WDR59: variants seen among roughly 807,000 people sequenced by gnomAD.
WDR59 encodes GATOR2 complex protein WDR59.
In WDR59, 100 loss-of-function variants were observed where a neutral mutation model predicts 131.2. That is an observed-to-expected ratio of 0.76 (90% CI 0.65 to 0.90). WDR59 has a LOEUF of 0.90. Among genes scored for constraint, WDR59 ranks in the 40% least tolerant of loss-of-function variants. The pLI, the probability that WDR59 is intolerant of heterozygous loss-of-function variation, is 0.00. For synonymous variants in WDR59, 601 were observed against 466.2 expected (o/e 1.29, Z -3.72); for missense variants, 1,203 against 1,262.2 (o/e 0.95, Z 0.71).
intron 18 of WDR59, among the ~76,000 whole-genome samples, chr16:74,899,932 T>A (rs1220891738): frequency 6.6e-6 from 1 of 152,204 alleles, no homozygotes; most frequent in Non-Finnish European, 1.5e-5. Context: ...CACAGCGGAA[T>A]TCGGCTTCCC....
At chr16:74,908,868 C>T (rs1965943544) in intron 17 of WDR59, 40 bp downstream of exon 17, 1 of 1,595,190 alleles carries the variant, frequency 6.3e-7, no homozygotes, top group African/African-American at 1.3e-5. Flanking sequence ...CACTTCTGGC[C>T]CCGGGAACGT....
In WDR59 at chr16:74,893,751, G is replaced by T; in HGVS notation, c.1928C>A (p.Ala643Asp). 6.2e-7 allele frequency: 1 copy of T among 1,614,198 alleles called. No homozygotes were observed. The highest frequency in any genetic ancestry group is 8.5e-7 in the Non-Finnish European group (1 of 1,180,030). Reference protein sequence around the residue: ...GSDSGNRQIKAAGKVIIQDIA... With the variant: ...GSDSGNRQIKDAGKVIIQDIA... Reference sequence around the variant, plus strand: ...ATCCTGGATGATGACTTTCCCAGCAGCCTTGATCTGTCGATTGCCAGAGTC... The same window carrying T: ...ATCCTGGATGATGACTTTCCCAGCATCCTTGATCTGTCGATTGCCAGAGTC... The change falls in exon 19 of 26, where the codon GCT becomes GAT. Residue 643 changes from alanine (A) to aspartate (D), a missense_variant. Physicochemically the swap from Ala to Asp is moderately radical, Grantham distance 126. Transcript: ENST00000262144.
chr16:74,973,913 T>C (rs1016414679), intron 1 of WDR59, among the ~76,000 whole-genome samples: 20 of 152,168 alleles, frequency 1.3e-4, no homozygotes, highest in Non-Finnish European at 1.9e-4. Context: ...CCCACACCTG[T>C]AATCCTAGCA....
At chr16:74,890,130 C>T (rs545620566) in intron 20 of WDR59, among the ~76,000 whole-genome samples, 8 of 152,230 alleles carry the variant, frequency 5.3e-5, no homozygotes, top group African/African-American at 1.7e-4. Flanking sequence ...TCTACTTAAC[C>T]ACTAACTCAT....
At chr16:74,902,602 CACAAATCGGA>C (rs1243669018) in intron 18 of WDR59, among the ~76,000 whole-genome samples, 55 of 152,170 alleles carry the variant, frequency 3.6e-4, no homozygotes, top group African/African-American at 1.2e-3. Flanking sequence ...TGGCACACGA[CACAAATCGGA>C]GAGGAATTCA....
intron 1 of WDR59, among the ~76,000 whole-genome samples, chr16:74,971,459 G>C (rs2033981140): frequency 8.9e-6 from 1 of 111,974 alleles, no homozygotes; most frequent in African/African-American, 3.5e-5. Context: ...TTGAGATGGA[G>C]TCTTGCTCTG....
At chr16:74,914,017 G>A (rs112057837) in intron 13 of WDR59, among the ~76,000 whole-genome samples, 3,701 of 152,246 alleles carry the variant, frequency 0.024, 89 homozygotes, top group South Asian at 0.13. Flanking sequence ...GGCCAACCTG[G>A]CCAACATGGC....
rs775967002 is a variant in WDR59 at position 74,959,590 on chromosome 16, T to C, written c.105-2980A>G. 2.1e-4 allele frequency: 93 copies of C among 438,638 alleles called. 1 individual carries two copies. The Middle Eastern group carries it at 2.9e-3, about 14-fold the overall frequency. The allele number at this position is 438,638 out of a possible 1,614,324, so 27.2% of individuals were successfully genotyped here. A position where few individuals can be genotyped will look rare whatever the true frequency, so the allele number is the denominator to read the frequency against. On this transcript the variant is annotated intron_variant, in intron 2 of 25. Coordinates refer to ENST00000262144, the MANE Select transcript of WDR59 (RefSeq NM_030581.4). ...CAGCCTGGGCAACCTGGCAAGACCT[T>C]ATCTGCATAAAGAAAAAAAAATTAT...
Position 74,951,475 on chromosome 16 carries a change from G to C in WDR59, c.309C>G (p.Gly103=). The change falls in exon 4 of 26, where the codon GGC becomes GGG. Residue 103 remains glycine (G), a synonymous_variant. Transcript: ENST00000262144. ...GTGCCTACCTGATGACACGAGTGTGGCCTTGTAAGGTTGTGCCAACTTCCC... is the reference window on the plus strand; with the variant it reads ...GTGCCTACCTGATGACACGAGTGTGCCCTTGTAAGGTTGTGCCAACTTCCC... The part of the protein sequence containing the change: ...GSGEVGTTLQ[G]HTRVISDLDW... 1.2e-6 allele frequency: 2 copies of C among 1,600,894 alleles called. No individual in the cohort carries two copies. The highest frequency in any genetic ancestry group is 1.7e-6 in the Non-Finnish European group (2 of 1,174,272).
chr16:74,884,540 G>C (rs1454252882), intron 25 of WDR59, among the ~76,000 whole-genome samples: 1 of 152,174 alleles, frequency 6.6e-6, no homozygotes, highest in Non-Finnish European at 1.5e-5. Context: ...TAGAGACGGG[G>C]TTTCACCATG....
intron 25 of WDR59, among the ~76,000 whole-genome samples, 157 bp from the exon 26 acceptor site, chr16:74,874,601 T>G (rs923753742): frequency 2.0e-5 from 3 of 152,196 alleles, no homozygotes; most frequent in Non-Finnish European, 2.9e-5. Flanking sequence ...TTTATTTTTA[T>G]TTTTTCTTTT....
chr16:74,887,773 A>G lies in WDR59; in HGVS notation c.2347-18T>C. 1 of 1,609,658 alleles carries G rather than the reference A, an allele frequency of 6.2e-7. No individual in the cohort carries two copies. Among genetic ancestry groups the G allele is most frequent in the Non-Finnish European group, 8.5e-7 (1 of 1,176,034 alleles). ...AAGCTAGGCTACAGAAGGGAAGAGAAGAACCAACAGGACTAGCATGAGAAT... is the reference window on the plus strand; with the variant it reads ...AAGCTAGGCTACAGAAGGGAAGAGAGGAACCAACAGGACTAGCATGAGAAT... On this transcript the variant is annotated intron_variant, in intron 22 of 25. Coordinates refer to ENST00000262144, the MANE Select transcript of WDR59 (RefSeq NM_030581.4).
intron 21 of WDR59, among the ~76,000 whole-genome samples, chr16:74,888,716 A>T (rs1964894769): frequency 6.6e-6 from 1 of 151,990 alleles, no homozygotes; most frequent in Non-Finnish European, 1.5e-5. Flanking sequence ...ATTCCCACAC[A>T]TGTCATTTAT....
chr16:74,912,087 C>G, intron 14 of WDR59, 111 bp downstream of exon 14: 1 of 1,455,716 alleles, frequency 6.9e-7, no homozygotes, highest in South Asian at 1.2e-5. Context: ...AGTGTGTGTA[C>G]GAAACAGATG....
chr16:74,886,486 G>T, intron 23 of WDR59, 90 bp from the exon 24 acceptor site: 1 of 1,480,782 alleles, frequency 6.8e-7, no homozygotes, highest in Non-Finnish European at 9.0e-7. Context: ...CGTGGCCAAT[G>T]GATTTCCCAG....
intron 25 of WDR59, 122 bp downstream of exon 25, chr16:74,885,531 G>A: frequency 2.6e-6 from 3 of 1,158,472 alleles, no homozygotes; most frequent in South Asian, 1.9e-5. Flanking sequence ...GACTCAAAAT[G>A]CCTCAGAAAT....
chr16:74,886,020 T>C, intron 24 of WDR59: 2 of 658,694 alleles, frequency 3.0e-6, no homozygotes, highest in South Asian at 2.1e-5. Flanking sequence ...GTACTAAAAA[T>C]ACAAAAAATT....
chr16:74,958,987 A>C (rs2033440605), intron 2 of WDR59, among the ~76,000 whole-genome samples: 2 of 152,138 alleles, frequency 1.3e-5, no homozygotes, highest in African/African-American at 4.8e-5. Context: ...TGAACCTGGG[A>C]AGCAGGGGAT....
intron 3 of WDR59, among the ~76,000 whole-genome samples, chr16:74,953,666 T>C (rs2033128136): frequency 6.6e-6 from 1 of 152,094 alleles, no homozygotes; most frequent in African/African-American, 2.4e-5. Flanking sequence ...AAAGAACTCC[T>C]ACAACTCAAC....
Sources: allele counts gnomAD v4.1 joint callset (sites outside exome capture counted in the v4.1 genomes callset), GRCh38; gene constraint gnomAD v4.1.1; transcripts MANE v1.5; gene names NCBI Gene and HGNC (gene_info 2026-07-23, HGNC 2026-07-21).